Variants in ERFL observed in about 807,000 individuals in gnomAD.
ERFL encodes the protein ETS repressor factor like, also known as ETS domain-containing transcription factor ERF-like.
ERFL carries 8 observed loss-of-function variants against 27.9 expected under a neutral mutation model. The ratio of observed to expected loss-of-function variants is 0.29; its 90% confidence interval spans 0.17 to 0.52. The LOEUF is 0.52. Ranked by LOEUF, ERFL falls within the 20% of genes least tolerant of loss-of-function variation. ERFL has a pLI of 0.97. For missense variants in ERFL, 294 were observed against 444.4 expected (o/e 0.66, Z 3.04); for synonymous variants, 174 against 202.8 (o/e 0.86, Z 1.21).
At chr19:41,914,303 C>G (rs998184741) in intron 1 of ERFL, among the ~76,000 whole-genome samples, 1 of 151,322 alleles carries the variant, frequency 6.6e-6, no homozygotes, top group Admixed American at 6.6e-5. Flanking sequence ...GTCACTTGGT[C>G]TCTTCTCCCT....
At chr19:41,911,436 G>A (rs2074750621) in intron 2 of ERFL, among the ~76,000 whole-genome samples, 1 of 152,206 alleles carries the variant, frequency 6.6e-6, no homozygotes, top group African/African-American at 2.4e-5. Context: ...CAGCATCGCC[G>A]TGTCCACTTG....
rs1295687184 is a variant in ERFL, at chr19:41,908,627, G to A, written c.666C>T (p.Arg222=). 15 of 1,231,512 alleles carry A rather than the reference G, an allele frequency of 1.2e-5. No individual in the cohort carries two copies. Among genetic ancestry groups the A allele is most frequent in the South Asian group, 8.2e-5 (2 of 24,322 alleles). 76.3% of individuals were successfully genotyped at this position (1,231,512 alleles called of 1,614,324 possible). Residue 222 remains arginine (R), a synonymous_variant, in exon 6 of 6, where the codon CGC becomes CGT. Coordinates refer to ENST00000597630, the MANE Select transcript of ERFL (RefSeq NM_001365103.2). This position sits in a 1 kb window ranked among gnomAD's most constrained non-coding sequence, Gnocchi z 6.7. The part of the protein sequence containing the change: ...KPPGLLGPYG[R]AFPEYPWNFN... The stretch of plus-strand genomic sequence containing the variant: ...AGTTCCAGGGGTACTCAGGGAAGGC[G>A]CGGCCATAAGGACCCAGCAGGCCAG...
intron 1 of ERFL, among the ~76,000 whole-genome samples, chr19:41,922,038 C>CTA (rs1184637399): frequency 6.6e-6 from 1 of 151,988 alleles, no homozygotes; most frequent in Non-Finnish European, 1.5e-5. Flanking sequence ...CCCCACCCCT[C>CTA]TATCAGAGTG....
chr19:41,918,498 TCACACACACAC>T (rs1568834350), intron 1 of ERFL, among the ~76,000 whole-genome samples: 2 of 101,922 alleles, frequency 2.0e-5, no homozygotes, highest in Non-Finnish European at 4.1e-5. Flanking sequence ...CACACACACA[TCACACACACAC>T]CACACACATC....
chr19:41,908,219 C>G lies in ERFL; in HGVS notation c.*9G>C, dbSNP rs2074729329. 1.6e-6 allele frequency: 2 copies of G among 1,231,742 alleles called. No homozygotes were observed. Among genetic ancestry groups the G allele is most frequent in the Non-Finnish European group, 2.0e-6 (2 of 987,988 alleles). The allele number at this position is 1,231,742 out of a possible 1,614,324, so 76.3% of individuals were successfully genotyped here. On this transcript the variant is annotated 3_prime_UTR_variant, in exon 6 of 6. Transcript: ENST00000597630. The surrounding 1 kb of genome is among the most constrained non-coding windows in gnomAD (Gnocchi z 6.7). ...CCTGCCTCAGCAGAATCCATTGCCCCCTGCCGGCTCAGCTGCCGGTCCCCC... is the reference window on the plus strand; with the variant it reads ...CCTGCCTCAGCAGAATCCATTGCCCGCTGCCGGCTCAGCTGCCGGTCCCCC...
At chr19:41,913,067 C>A (rs2074763431) in intron 1 of ERFL, 135 bp from the exon 2 acceptor site, 1 of 402,696 alleles carries the variant, frequency 2.5e-6, no homozygotes, top group Non-Finnish European at 4.3e-6. Flanking sequence ...CCCCGCAATC[C>A]CTCCTGCCCA....
At position 41,908,279 on chromosome 19, in the gene ERFL, A is replaced by C. The variant is rs1410282590; in HGVS notation, c.1014T>G (p.Gly338=). The change falls in exon 6 of 6, where the codon GGT becomes GGG. Residue 338 remains glycine (G), a synonymous_variant. Coordinates refer to ENST00000597630, the MANE Select transcript of ERFL (RefSeq NM_001365103.2). The surrounding 1 kb of genome is among the most constrained non-coding windows in gnomAD (Gnocchi z 6.7). The stretch of plus-strand genomic sequence containing the variant: ...CCTTTGCCTTGGGGGGTGCCGGGAG[A>C]CCCTCATCGCCCTCGCTGTCAGAGC... ...GCSSDSEGDE[G]LPAPPKAKAG... 2.4e-6 allele frequency: 3 copies of C among 1,231,320 alleles called. No homozygotes were observed. Among genetic ancestry groups the C allele is most frequent in the Middle Eastern group, 3.1e-4 (1 of 3,208 alleles). 76.3% of individuals were successfully genotyped at this position (1,231,320 alleles called of 1,614,324 possible).
At position 41,909,029 on chromosome 19, in the gene ERFL, C is replaced by T. The variant is rs2145879947; in HGVS notation, c.616+31G>A. 3.4e-6 allele frequency: 4 copies of T among 1,187,900 alleles called. No homozygotes were observed. The highest frequency in any genetic ancestry group is 3.2e-5 in the East Asian group (1 of 31,460). The allele number at this position is 1,187,900 out of a possible 1,614,324, so 73.6% of individuals were successfully genotyped here. ...AAGCCTGCAGCTTCTCCCACTGTGC[C>T]CCCAGCACCCCAGAACCTCCAGGCT... On this transcript the variant is annotated intron_variant, in intron 5 of 5. Transcript: ENST00000597630. This position sits in a 1 kb window ranked among gnomAD's most constrained non-coding sequence, Gnocchi z 5.2.
chr19:41,917,706 A>G lies in ERFL; in HGVS notation c.-13-4774T>C, dbSNP rs1054761989. ...ACCCATGGCCACACGTTCAGGCACAATCTGGGGACATATCTCTCCTTACGC... is the reference window on the plus strand; with the variant it reads ...ACCCATGGCCACACGTTCAGGCACAGTCTGGGGACATATCTCTCCTTACGC... On this transcript the variant is annotated intron_variant, in intron 1 of 5. Coordinates refer to ENST00000597630, the MANE Select transcript of ERFL (RefSeq NM_001365103.2). The surrounding 1 kb of genome is among the most constrained non-coding windows in gnomAD (Gnocchi z 4.8). 1.3e-5 allele frequency among the ~76,000 whole-genome samples: 2 copies of G among 151,368 alleles called. No individual in the cohort carries two copies. Among genetic ancestry groups the G allele is most frequent in the Non-Finnish European group, 2.9e-5 (2 of 67,854 alleles).
intron 1 of ERFL, among the ~76,000 whole-genome samples, chr19:41,914,602 GT>G (rs2074778180): frequency 6.3e-5 from 3 of 47,724 alleles, no homozygotes; most frequent in African/African-American, 4.1e-4. Flanking sequence ...CACCATCTCT[GT>G]CTCTCCCTCC....
At chr19:41,920,093 C>A (rs1313125874) in intron 1 of ERFL, among the ~76,000 whole-genome samples, 14 of 129,156 alleles carry the variant, frequency 1.1e-4, no homozygotes, top group Non-Finnish European at 6.4e-5. Context: ...ATGACACGCT[C>A]ACAGACATAC....
chr19:41,908,377 C>A lies in ERFL; in HGVS notation c.916G>T (p.Gly306Cys). Residue 306 changes from glycine to cysteine, a missense_variant, in exon 6 of 6, where the codon GGT becomes TGT. Transcript: ENST00000597630. The surrounding 1 kb of genome is among the most constrained non-coding windows in gnomAD (Gnocchi z 6.7). ...TTCCCACCAAGGGCAGCCTCTGGAC[C>A]CCCAGCCCCTGGCAGCGCCAGGCGA... ...APRLALPGAG[G>C]PEAALGGKED... is the part of the protein sequence containing the mutation. 8.1e-7 allele frequency: 1 copy of A among 1,231,392 alleles called. No individual in the cohort carries two copies. The highest frequency in any genetic ancestry group is 1.0e-6 in the Non-Finnish European group (1 of 987,734). 76.3% of individuals were successfully genotyped at this position (1,231,392 alleles called of 1,614,324 possible).
chr19:41,914,518 A>G (rs889042505), intron 1 of ERFL, among the ~76,000 whole-genome samples: 5 of 144,228 alleles, frequency 3.5e-5, no homozygotes, highest in Admixed American at 1.4e-4. Context: ...TCTCCCTATG[A>G]CTTTCTCCCC....
rs1174203550 is a variant in ERFL, at chr19:41,921,937, A to G, written c.-14+6103T>C. Among the ~76,000 whole-genome samples, 2 of 118,638 alleles carry G rather than the reference A, an allele frequency of 1.7e-5. No individual in the cohort carries two copies. The highest frequency in any genetic ancestry group is 3.4e-5 in the Non-Finnish European group (2 of 58,388). The allele number at this position is 118,638 out of a possible 152,430, so 77.8% of individuals were successfully genotyped here. A position where few individuals can be genotyped will look rare whatever the true frequency, so the allele number is the denominator to read the frequency against. On this transcript the variant is annotated intron_variant, in intron 1 of 5. Coordinates refer to ENST00000597630, the MANE Select transcript of ERFL (RefSeq NM_001365103.2). The surrounding 1 kb of genome is among the most constrained non-coding windows in gnomAD (Gnocchi z 4.4). ...CACCCAGACCCCAGCTCCATCCTCT[A>G]CCTCTCCTCCTGGTCCTCATCCCCA...
At position 41,921,557 on chromosome 19, in the gene ERFL, C is replaced by T. The variant is rs556074018; in HGVS notation, c.-14+6483G>A. On this transcript the variant is annotated intron_variant, in intron 1 of 5. Transcript: ENST00000597630. The surrounding 1 kb of genome is among the most constrained non-coding windows in gnomAD (Gnocchi z 4.4). ...AGGTGGGGAAACACGGCAGAAGGAG[C>T]GAACCAGAGAGGCTGAGACAAAAGT... Among the ~76,000 whole-genome samples, 17 of 147,870 alleles carry T rather than the reference C, an allele frequency of 1.1e-4. No individual in the cohort carries two copies. In the South Asian group the frequency reaches 1.5e-3, roughly 13 times the overall value.
rs1220638738 is a variant in ERFL at position 41,916,770 on chromosome 19, A to G, written c.-13-3838T>C. 6.6e-6 allele frequency among the ~76,000 whole-genome samples: 1 copy of G among 152,016 alleles called. No homozygotes were observed. The highest frequency in any genetic ancestry group is 1.5e-5 in the Non-Finnish European group (1 of 68,008). ...ACCCAGACAGCCAACGCACACGGCC[A>G]CACACACACCCATTCACAGACACAG... On this transcript the variant is annotated intron_variant, in intron 1 of 5. Transcript: ENST00000597630. The surrounding 1 kb of genome is among the most constrained non-coding windows in gnomAD (Gnocchi z 5.4).
At chr19:41,922,993 A>G (rs966058339) in intron 1 of ERFL, 1 of 374,140 alleles carries the variant, frequency 2.7e-6, no homozygotes. Context: ...GGTGAAGGGA[A>G]TGTGAGGGGC....
In ERFL at chr19:41,917,473, A is replaced by T. The variant is rs543408000; in HGVS notation, c.-13-4541T>A. Among the ~76,000 whole-genome samples, 37 of 30,064 alleles carry T rather than the reference A, an allele frequency of 1.2e-3. No homozygotes were observed. The highest frequency in any genetic ancestry group is 2.1e-3 in the Non-Finnish European group (33 of 15,380). 19.7% of individuals were successfully genotyped at this position (30,064 alleles called of 152,430 possible). The stretch of plus-strand genomic sequence containing the variant: ...CCACCAGCCCCTTCATCCCTCACCC[A>T]GGCCCCCCCATCCCCACCTCCCCTT... On this transcript the variant is annotated intron_variant, in intron 1 of 5. Transcript: ENST00000597630. This position sits in a 1 kb window ranked among gnomAD's most constrained non-coding sequence, Gnocchi z 4.8.
rs1438219581 is a variant in ERFL, at chr19:41,910,813, G to A, written c.68-716C>T. 2.6e-5 allele frequency among the ~76,000 whole-genome samples: 4 copies of A among 152,154 alleles called. No individual in the cohort carries two copies. Among genetic ancestry groups the A allele is most frequent in the African/African-American group, 9.7e-5 (4 of 41,430 alleles). On this transcript the variant is annotated intron_variant, in intron 2 of 5. Transcript: ENST00000597630. This position sits in a 1 kb window ranked among gnomAD's most constrained non-coding sequence, Gnocchi z 4.4. ...AGACACACAGCCACACTGGGACACA[G>A]GCACACCGGAGTGCCACACTCATGC...
Sources: gnomAD v4.1 joint callset for allele counts (sites outside exome capture counted in the v4.1 genomes callset) on GRCh38, gnomAD v4.1.1 for gene constraint, Gnocchi (gnomAD v3.1) non-coding constraint, MANE v1.5 for transcripts, NCBI Gene and HGNC (gene_info 2026-07-23, HGNC 2026-07-21) for gene names.